The following SULT1C3 variants were observed in gnomAD, a reference collection of about 807,000 sequenced individuals.
SULT1C3 encodes sulfotransferase 1C3.
Under a neutral mutation model 28.4 loss-of-function variants are expected in SULT1C3, and 31 were observed. That is an observed-to-expected ratio of 1.09 (90% CI 0.82 to 1.47). The LOEUF (loss-of-function observed/expected upper bound fraction) is 1.47. SULT1C3 is among the 40% of genes most tolerant of loss of function. The pLI is 0.00. For missense variants in SULT1C3, 307 were observed against 272.5 expected, an observed-to-expected ratio of 1.13 and a Z score of -0.89; for synonymous variants, 106 against 92.2, an observed-to-expected ratio of 1.15 and a Z score of -0.86.
chr2:108,264,920 T>G, downstream of SULT1C3: 1 of 1,613,964 alleles, frequency 6.2e-7, no homozygotes, highest in Non-Finnish European at 8.5e-7. Context: ...CCTCCTTTGA[T>G]GTAATGAAGC....
At chr2:108,262,004 C>T (rs1384870045), downstream of SULT1C3, among the ~76,000 whole-genome samples, 1 of 152,066 alleles carries the variant, frequency 6.6e-6, no homozygotes, top group African/African-American at 2.4e-5. Context: ...CCAGAGGGGA[C>T]CCTGGGGTGA....
intron 1 of SULT1C3, among the ~76,000 whole-genome samples, chr2:108,246,759 G>A (rs1667387848): frequency 6.6e-6 from 1 of 152,092 alleles, no homozygotes; most frequent in Admixed American, 6.6e-5. Flanking sequence ...TTTCTTCAAT[G>A]TAATTGTCTC....
downstream of SULT1C3, among the ~76,000 whole-genome samples, chr2:108,264,641 T>A (rs985645294): frequency 9.2e-5 from 14 of 152,198 alleles, no homozygotes; most frequent in African/African-American, 3.4e-4. Flanking sequence ...ACAACCCTCA[T>A]CTTTGTGTTG....
intron 1 of SULT1C3, among the ~76,000 whole-genome samples, chr2:108,242,844 C>T (rs1421105370): frequency 6.6e-6 from 1 of 152,094 alleles, no homozygotes; most frequent in Non-Finnish European, 1.5e-5. Flanking sequence ...GCCTCTCATG[C>T]ATGCATTAGG....
intron 1 of SULT1C3, among the ~76,000 whole-genome samples, chr2:108,241,379 T>C (rs1675458142): frequency 6.6e-6 from 1 of 152,114 alleles, no homozygotes; most frequent in Non-Finnish European, 1.5e-5. Context: ...CAGAGAAAAA[T>C]AAACATGCTC....
intron 3 of SULT1C3, among the ~76,000 whole-genome samples, chr2:108,252,728 CT>C: frequency 6.6e-6 from 1 of 152,100 alleles, no homozygotes; most frequent in East Asian, 1.9e-4. Context: ...CATATTTCTC[CT>C]ACCCAATGTT....
At chr2:108,264,841 T>C (rs774793255), downstream of SULT1C3, 6 of 1,611,588 alleles carry the variant, frequency 3.7e-6, no homozygotes, top group South Asian at 4.4e-5. Context: ...AAGCGGGAAA[T>C]TGAGAAGATA....
intron 1 of SULT1C3, among the ~76,000 whole-genome samples, chr2:108,245,756 G>T (rs1385944232): frequency 6.6e-6 from 1 of 152,112 alleles, no homozygotes; most frequent in East Asian, 1.9e-4. Context: ...TTTTCTCATT[G>T]TCTTGGAGAT....
chr2:108,245,522 C>T (rs962409975), intron 1 of SULT1C3, among the ~76,000 whole-genome samples: 85 of 152,242 alleles, frequency 5.6e-4, no homozygotes, highest in African/African-American at 2.0e-3. Flanking sequence ...CTTAAAGGAA[C>T]ACGGGAATTG....
downstream of SULT1C3, among the ~76,000 whole-genome samples, chr2:108,261,655 G>T (rs1022707655): frequency 2.6e-5 from 4 of 152,046 alleles, no homozygotes; most frequent in Non-Finnish European, 4.4e-5. Context: ...GGGAAATTTG[G>T]AAAGACTTAA....
chr2:108,253,310 A>T (rs1675780068), intron 3 of SULT1C3, 35 bp from the exon 4 acceptor site: 1 of 1,394,366 alleles, frequency 7.2e-7, no homozygotes, highest in African/African-American at 1.4e-5. Flanking sequence ...CAGAGTGCCA[A>T]GAATAAACAA....
downstream of SULT1C3, chr2:108,265,315 G>A (rs200254248): frequency 2.6e-5 from 42 of 1,613,768 alleles, no homozygotes; most frequent in Non-Finnish European, 5.1e-6. Context: ...AGAAGAAGAT[G>A]GCAGGAAGCA....
rs754263272 is a variant in SULT1C3, at chr2:108,258,817, G to T, written c.610G>T (p.Asp204Tyr). The T allele has an allele frequency of 9.9e-6, 16 of 1,611,894 alleles. No individual in the cohort carries two copies. In the South Asian group the frequency reaches 1.7e-4, roughly 17 times the overall value. Residue 204 changes from aspartate to tyrosine, a missense_variant, in exon 6 of 8, where the codon GAT (aspartate) becomes TAT (tyrosine). Coordinates refer to ENST00000681802, the MANE Select transcript of SULT1C3 (RefSeq NM_001320878.2). ...CCGGATCCTCTACCTCTTCTACGAG[G>T]ATATTAAAAAAGTAAGTGGCACTGA... ...MHRILYLFYE[D>Y]IKKNPKHEIH...
rs1675426886 is a variant in SULT1C3, at chr2:108,240,068, C to T, written c.-23C>T. ...TAAAGGCAGCAAGCTGCTTCCTCTG[C>T]TGCCTGAGATACCAGGTAAGCCTCA... On this transcript the variant is annotated 5_prime_UTR_variant, in exon 1 of 8. Transcript: ENST00000681802. 6.6e-6 allele frequency among the ~76,000 whole-genome samples: 1 copy of T among 152,222 alleles called. No individual in the cohort carries two copies. The highest frequency in any genetic ancestry group is 1.5e-5 in the Non-Finnish European group (1 of 68,052).
chr2:108,254,031 G>C (rs1053414284), intron 4 of SULT1C3, among the ~76,000 whole-genome samples: 6 of 151,780 alleles, frequency 4.0e-5, no homozygotes, highest in African/African-American at 1.5e-4. Context: ...CTCCCACTTT[G>C]TCAGCCTGCC....
intron 5 of SULT1C3, among the ~76,000 whole-genome samples, chr2:108,257,351 T>A (rs1374804591): frequency 2.0e-5 from 3 of 152,030 alleles, no homozygotes; most frequent in Non-Finnish European, 2.9e-5. Flanking sequence ...CCAATTCCTT[T>A]AAATAAACCA....
intron 2 of SULT1C3, among the ~76,000 whole-genome samples, 162 bp downstream of exon 2, chr2:108,247,528 G>A (rs1207362817): frequency 6.6e-6 from 1 of 152,092 alleles, no homozygotes; most frequent in African/African-American, 2.4e-5. Flanking sequence ...CTGATCCCTA[G>A]GACAACAATT....
At chr2:108,240,963 A>G (rs2104379654) in intron 1 of SULT1C3, among the ~76,000 whole-genome samples, 1 of 152,370 alleles carries the variant, frequency 6.6e-6, no homozygotes. Context: ...CTGTTCCACA[A>G]GGAATTTCAG....
intron 2 of SULT1C3, among the ~76,000 whole-genome samples, chr2:108,250,014 G>C (rs1675691173): frequency 6.6e-6 from 1 of 151,914 alleles, no homozygotes; most frequent in Non-Finnish European, 1.5e-5. Context: ...CTTTAGGTTA[G>C]GCAACAATAA....
Sources: allele counts gnomAD v4.1 joint callset (sites outside exome capture counted in the v4.1 genomes callset), GRCh38; gene constraint gnomAD v4.1.1; transcripts MANE v1.5; gene names NCBI Gene and HGNC (gene_info 2026-07-23, HGNC 2026-07-21).